The following RNMT variants were observed in gnomAD, a reference collection of about 807,000 sequenced individuals.
RNMT encodes RNA guanine-7 methyltransferase, also known as mRNA cap guanine-N(7) methyltransferase.
RNMT carries 27 observed loss-of-function variants against 56.0 expected under a neutral mutation model. The observed-to-expected ratio is 0.48, with a 90% CI of 0.36 to 0.67. The LOEUF (loss-of-function observed/expected upper bound fraction) is 0.67. Ranked by LOEUF, RNMT falls within the 30% of genes least tolerant of loss-of-function variation. The pLI is 0.00. For synonymous variants in RNMT, 184 were observed against 176.2 expected (o/e 1.04, Z -0.35); for missense variants, 519 against 552.1 (o/e 0.94, Z 0.60).
At chr18:13,756,380 A>G (rs1332180629) in intron 11 of RNMT, among the ~76,000 whole-genome samples, 3 of 152,160 alleles carry the variant, frequency 2.0e-5, no homozygotes, top group Non-Finnish European at 2.9e-5. Context: ...CTAAATGAGG[A>G]CAGGACAGGA....
intron 9 of RNMT, among the ~76,000 whole-genome samples, chr18:13,752,120 T>C (rs1366465613): frequency 6.6e-6 from 1 of 152,152 alleles, no homozygotes; most frequent in Non-Finnish European, 1.5e-5. Context: ...TATACCCTAG[T>C]ATAATATTTA....
intron 9 of RNMT, among the ~76,000 whole-genome samples, chr18:13,749,995 A>G (rs909885155): frequency 1.1e-4 from 16 of 152,260 alleles, no homozygotes; most frequent in African/African-American, 3.4e-4. Flanking sequence ...CCTGAGCTCA[A>G]GTGATCTGCC....
chr18:13,735,690 C>T (rs530125334), intron 4 of RNMT, among the ~76,000 whole-genome samples: 7 of 151,788 alleles, frequency 4.6e-5, no homozygotes, highest in Admixed American at 6.6e-5. Flanking sequence ...ATAACTTTTT[C>T]GAGTCCATAT....
chr18:13,734,849 C>G (rs891578738), intron 4 of RNMT, among the ~76,000 whole-genome samples: 1 of 152,026 alleles, frequency 6.6e-6, no homozygotes, highest in African/African-American at 2.4e-5. Flanking sequence ...CTATTTTACT[C>G]TAATAGTTTT....
At chr18:13,728,558 ACTC>A (rs1457219451) in intron 1 of RNMT, among the ~76,000 whole-genome samples, 1 of 150,812 alleles carries the variant, frequency 6.6e-6, no homozygotes, top group Non-Finnish European at 1.5e-5. Context: ...CTGGTCTAGA[ACTC>A]CTGACCTCAA....
chr18:13,740,128 T>C (rs1568503395), intron 5 of RNMT, 39 bp from the exon 6 acceptor site: 1 of 1,214,006 alleles, frequency 8.2e-7, no homozygotes, highest in African/African-American at 1.5e-5. Context: ...TTTCTGGCAT[T>C]CTGTGTTGAT....
chr18:13,758,223 G>T (rs1182819896), intron 11 of RNMT, among the ~76,000 whole-genome samples: 1 of 152,180 alleles, frequency 6.6e-6, no homozygotes, highest in South Asian at 2.1e-4. Flanking sequence ...TCACCTTAAA[G>T]TCACTAGCAG....
At chr18:13,728,093 G>T (rs2043994005) in intron 1 of RNMT, among the ~76,000 whole-genome samples, 1 of 152,094 alleles carries the variant, frequency 6.6e-6, no homozygotes, top group South Asian at 2.1e-4. Flanking sequence ...TCTGTACCCA[G>T]ATTTGCAAAA....
intron 10 of RNMT, among the ~76,000 whole-genome samples, chr18:13,753,778 G>GA (rs11410401): frequency 0.54 from 74,702 of 138,028 alleles, 19,831 homozygotes; most frequent in East Asian, 0.87. Context: ...CTCAAAAAAA[G>GA]AAAAAAAAAA....
At position 13,763,145 on chromosome 18, in the gene RNMT, G is replaced by A. The variant is rs1247331182; in HGVS notation, c.*3166G>A. On this transcript the variant is annotated 3_prime_UTR_variant, in exon 12 of 12. Transcript: ENST00000383314. ...CAAATAGGAAGTACAAGTGTGTGAT[G>A]TTAGAACCTCCCTAGTTGCTGCTAT... 1 of 455,892 alleles carries A rather than the reference G, an allele frequency of 2.2e-6. No homozygotes were observed. Among genetic ancestry groups the A allele is most frequent in the African/African-American group, 2.0e-5 (1 of 50,054 alleles). 28.2% of individuals were successfully genotyped at this position (455,892 alleles called of 1,614,324 possible). A position where few individuals can be genotyped will look rare whatever the true frequency, so the allele number is the denominator to read the frequency against.
At chr18:13,737,497 C>G (rs987923394) in intron 5 of RNMT, among the ~76,000 whole-genome samples, 1 of 151,714 alleles carries the variant, frequency 6.6e-6, no homozygotes, top group East Asian at 1.9e-4. Flanking sequence ...AAGACAAGAT[C>G]GCACCACTGC....
chr18:13,728,754 G>A (rs751790991), intron 1 of RNMT, among the ~76,000 whole-genome samples: 15 of 152,062 alleles, frequency 9.9e-5, no homozygotes, highest in Admixed American at 1.3e-4. Context: ...CATTTTTTAC[G>A]TATATACCTG....
chr18:13,728,300 CTTTTTTTTTTT>C (rs1204415985), intron 1 of RNMT, among the ~76,000 whole-genome samples: 30 of 109,590 alleles, frequency 2.7e-4, no homozygotes, highest in African/African-American at 4.0e-4. Flanking sequence ...TCATCAGCAT[CTTTTTTTTTTT>C]TTTTTTTTTT....
chr18:13,752,237 C>T, intron 9 of RNMT, 89 bp from the exon 10 acceptor site: 3 of 745,742 alleles, frequency 4.0e-6, no homozygotes, highest in Non-Finnish European at 7.0e-6. Flanking sequence ...GATTATTCTC[C>T]TAATTATGTT....
chr18:13,760,402 A>G lies in RNMT; in HGVS notation c.*423A>G, dbSNP rs2044605182. ...GTGCTCATTTCTATGGTTTTGTTAT[A>G]TAGCATTTTTCAACATTTAATGGTC... On this transcript the variant is annotated 3_prime_UTR_variant, in exon 12 of 12. Transcript: ENST00000383314. The G allele has an allele frequency of 5.1e-6, 5 of 989,820 alleles. No homozygotes were observed. The highest frequency in any genetic ancestry group is 1.7e-5 in the African/African-American group (1 of 57,446). The allele number at this position is 989,820 out of a possible 1,614,324, so 61.3% of individuals were successfully genotyped here. A position where few individuals can be genotyped will look rare whatever the true frequency, so the allele number is the denominator to read the frequency against.
intron 3 of RNMT, among the ~76,000 whole-genome samples, chr18:13,732,704 A>G (rs866376933): frequency 6.6e-6 from 1 of 150,874 alleles, no homozygotes; most frequent in Non-Finnish European, 1.5e-5. Flanking sequence ...TTTTGTCATC[A>G]ATGGAATGTG....
At position 13,764,052 on chromosome 18, in the gene RNMT, T is replaced by G. The variant is rs1258627139; in HGVS notation, c.*4073T>G. 6.6e-6 allele frequency: 1 copy of G among 152,152 alleles called. No individual in the cohort carries two copies. Among genetic ancestry groups the G allele is most frequent in the Non-Finnish European group, 1.5e-5 (1 of 68,046 alleles). 9.4% of individuals were successfully genotyped at this position (152,152 alleles called of 1,614,324 possible). ...GCAGCCCAACCTGTAGCAAATCTAGTTTAGCCTGCATGGCAGGGAGAGGGA... is the reference window on the plus strand; with the variant it reads ...GCAGCCCAACCTGTAGCAAATCTAGGTTAGCCTGCATGGCAGGGAGAGGGA... On this transcript the variant is annotated 3_prime_UTR_variant, in exon 12 of 12. Coordinates refer to ENST00000383314, the MANE Select transcript of RNMT (RefSeq NM_003799.3).
In RNMT at chr18:13,761,055, G is replaced by T; in HGVS notation, c.*1076G>T. The T allele has an allele frequency of 1.0e-6, 1 of 985,256 alleles. No individual in the cohort carries two copies. The highest frequency in any genetic ancestry group is 1.7e-5 in the African/African-American group (1 of 57,334). The allele number at this position is 985,256 out of a possible 1,614,324, so 61.0% of individuals were successfully genotyped here. A position where few individuals can be genotyped will look rare whatever the true frequency, so the allele number is the denominator to read the frequency against. On this transcript the variant is annotated 3_prime_UTR_variant, in exon 12 of 12. Transcript: ENST00000383314. ...TTCAAGAATGAAGCAGAGCAATTGA[G>T]TATTCTTTTTTAAATTATTAAGCCA...
chr18:13,756,022 C>G (rs1322966352), intron 11 of RNMT, among the ~76,000 whole-genome samples: 1 of 152,190 alleles, frequency 6.6e-6, no homozygotes, highest in South Asian at 2.1e-4. Context: ...ATGAATTGCT[C>G]TGTTCTAAGC....
Sources: gnomAD v4.1 joint callset for allele counts (sites outside exome capture counted in the v4.1 genomes callset) on GRCh38, gnomAD v4.1.1 for gene constraint, MANE v1.5 for transcripts, NCBI Gene and HGNC (gene_info 2026-07-23, HGNC 2026-07-21) for gene names.